QTMAN: variants seen among roughly 807,000 people sequenced by gnomAD.
The protein encoded by QTMAN is queuosine-tRNA mannosyltransferase, also known as tRNA-queuosine alpha-mannosyltransferase.
At chr2:144,259,728 T>C in the QTMAN span, among the ~76,000 whole-genome samples, 398 of 152,324 alleles carry the variant, frequency 2.6e-3, 1 homozygote, top group African/African-American at 9.1e-3. Context: ...GATTTTACTC[T>C]ACAGGAATTC....
the QTMAN span, among the ~76,000 whole-genome samples, chr2:144,104,795 G>A: frequency 2.6e-5 from 4 of 152,198 alleles, no homozygotes; most frequent in African/African-American, 4.8e-5. Flanking sequence ...ATCTGAGAAC[G>A]GACAGACTGC....
the QTMAN span, among the ~76,000 whole-genome samples, chr2:144,150,588 C>T: frequency 6.6e-6 from 1 of 152,028 alleles, no homozygotes; most frequent in African/African-American, 2.4e-5. Flanking sequence ...CTTTCCCTAA[C>T]CTGACACCCA....
At chr2:144,168,129 A>G in the QTMAN span, among the ~76,000 whole-genome samples, 3 of 152,174 alleles carry the variant, frequency 2.0e-5, no homozygotes, top group Non-Finnish European at 4.4e-5. Flanking sequence ...AAGCAAAACA[A>G]TGGGTAATTC....
chr2:144,045,515 C>G, the QTMAN span, among the ~76,000 whole-genome samples: 1 of 152,076 alleles, frequency 6.6e-6, no homozygotes, highest in Non-Finnish European at 1.5e-5. Context: ...AGGCATAATG[C>G]AGGGAGCAAA....
the QTMAN span, among the ~76,000 whole-genome samples, chr2:144,190,662 G>A: frequency 6.6e-6 from 1 of 151,976 alleles, no homozygotes; most frequent in South Asian, 2.1e-4. Context: ...ATAACAATTC[G>A]GTAAAATCGA....
the QTMAN span, among the ~76,000 whole-genome samples, chr2:144,276,553 T>A: frequency 6.6e-6 from 1 of 152,212 alleles, no homozygotes; most frequent in Non-Finnish European, 1.5e-5. Flanking sequence ...TAATCCTTTT[T>A]TTGTTTCTAA....
At chr2:143,962,080 A>G in the QTMAN span, among the ~76,000 whole-genome samples, 1 of 152,052 alleles carries the variant, frequency 6.6e-6, no homozygotes, top group Admixed American at 6.6e-5. Context: ...GGCTGTTTCA[A>G]AAGTTCTACT....
chr2:144,170,321 C>T, the QTMAN span, among the ~76,000 whole-genome samples: 2 of 152,254 alleles, frequency 1.3e-5, no homozygotes, highest in Non-Finnish European at 2.9e-5. Context: ...ATGCTGGCAG[C>T]AGACATAACA....
the QTMAN span, among the ~76,000 whole-genome samples, chr2:144,002,834 T>C: frequency 6.6e-6 from 1 of 151,938 alleles, no homozygotes; most frequent in African/African-American, 2.4e-5. Flanking sequence ...TCTACAATAA[T>C]CTGAAGAAAT....
At chr2:144,096,826 C>G in the QTMAN span, among the ~76,000 whole-genome samples, 1 of 152,204 alleles carries the variant, frequency 6.6e-6, no homozygotes, top group African/African-American at 2.4e-5. Context: ...TGTAAACAAA[C>G]AGATTCCAAT....
chr2:144,305,956 C>T, the QTMAN span, among the ~76,000 whole-genome samples: 3 of 152,040 alleles, frequency 2.0e-5, no homozygotes, highest in Admixed American at 2.0e-4. Context: ...TTGGTGATTC[C>T]TTAGGATTTT....
chr2:143,982,668 C>T, the QTMAN span, among the ~76,000 whole-genome samples: 4 of 151,346 alleles, frequency 2.6e-5, no homozygotes, highest in Admixed American at 2.6e-4. Context: ...CGAGAGCAGC[C>T]TGGCCAACAT....
the QTMAN span, among the ~76,000 whole-genome samples, chr2:144,280,036 G>A: frequency 1.3e-5 from 2 of 152,140 alleles, no homozygotes; most frequent in Admixed American, 1.3e-4. Context: ...CCTTGGACTG[G>A]TACAAAACCT....
chr2:144,269,497 T>C, the QTMAN span, among the ~76,000 whole-genome samples: 2 of 152,146 alleles, frequency 1.3e-5, no homozygotes, highest in African/African-American at 4.8e-5. Context: ...AAATAATATA[T>C]AAATACAGAC....
At chr2:143,990,992 T>C in the QTMAN span, among the ~76,000 whole-genome samples, 1 of 151,838 alleles carries the variant, frequency 6.6e-6, no homozygotes. Flanking sequence ...AGGGATACAA[T>C]TAAAAGCAGG....
At chr2:144,055,424 T>C in the QTMAN span, among the ~76,000 whole-genome samples, 1 of 150,476 alleles carries the variant, frequency 6.6e-6, no homozygotes, top group Non-Finnish European at 1.5e-5. Context: ...TTTTTTTAGG[T>C]AATTAAAAAA....
chr2:143,958,067 G>A, the QTMAN span, among the ~76,000 whole-genome samples: 3 of 152,038 alleles, frequency 2.0e-5, no homozygotes, highest in Non-Finnish European at 4.4e-5. Flanking sequence ...TAATTTTCAA[G>A]GATAAGGTGA....
At chr2:144,067,819 C>T in the QTMAN span, among the ~76,000 whole-genome samples, 1 of 152,176 alleles carries the variant, frequency 6.6e-6, no homozygotes, top group African/African-American at 2.4e-5. Flanking sequence ...GCACATGCCA[C>T]ACGTTAGTAT....
At chr2:144,064,758 G>C in the QTMAN span, among the ~76,000 whole-genome samples, 4 of 152,310 alleles carry the variant, frequency 2.6e-5, no homozygotes, top group East Asian at 7.7e-4. Context: ...AGAGAGAACT[G>C]TGGCAAAAAT....
Sources: allele counts gnomAD v4.1 joint callset (sites outside exome capture counted in the v4.1 genomes callset), GRCh38; gene constraint gnomAD v4.1.1; transcripts MANE v1.5; gene names NCBI Gene and HGNC (gene_info 2026-07-23, HGNC 2026-07-21).